TENM3: variants seen among roughly 807,000 people sequenced by gnomAD.
The protein encoded by TENM3 is teneurin-3.
TENM3 carries 63 observed loss-of-function variants against 255.1 expected under a neutral mutation model. The observed-to-expected ratio is 0.25, with a 90% CI of 0.20 to 0.30. The LOEUF is 0.30. TENM3 is among the 10% of genes least tolerant of loss of function. The pLI, the probability that TENM3 is intolerant of heterozygous loss-of-function variation, is 1.00. For synonymous variants in TENM3, 1,306 were observed against 1,322.3 expected, an observed-to-expected ratio of 0.99 and a Z score of 0.27; for missense variants, 2,929 against 3,461.1, an observed-to-expected ratio of 0.85 and a Z score of 3.86.
At chr4:181,503,874 A>G in the TENM3 span, among the ~76,000 whole-genome samples, 1 of 152,130 alleles carries the variant, frequency 6.6e-6, no homozygotes, top group Non-Finnish European at 1.5e-5. Context: ...CTCCGCTCGG[A>G]AGGAGGCTGT....
intron 6 of TENM3, among the ~76,000 whole-genome samples, chr4:182,664,119 C>T (rs1754446827): frequency 6.6e-6 from 1 of 152,164 alleles, no homozygotes; most frequent in East Asian, 1.9e-4. Context: ...TCATGCCTCC[C>T]AGATACCGTG....
At chr4:181,974,450 C>G in the TENM3 span, among the ~76,000 whole-genome samples, 2 of 152,054 alleles carry the variant, frequency 1.3e-5, no homozygotes, top group Admixed American at 1.3e-4. Flanking sequence ...TGCCTGTAAT[C>G]CCAGCTACTC....
intron 1 of TENM3, among the ~76,000 whole-genome samples, chr4:182,160,163 T>A (rs6552544): frequency 6.7e-6 from 1 of 148,956 alleles, no homozygotes; most frequent in African/African-American, 2.5e-5. Flanking sequence ...CCACCACGCC[T>A]GGCTAATTTT....
At chr4:182,316,327 C>G (rs912878297) in intron 1 of TENM3, among the ~76,000 whole-genome samples, 2 of 152,048 alleles carry the variant, frequency 1.3e-5, no homozygotes, top group Non-Finnish European at 2.9e-5. Flanking sequence ...GAAGCAAGAA[C>G]TTTCTGAGTA....
chr4:182,169,050 G>T (rs916999354), intron 1 of TENM3, among the ~76,000 whole-genome samples: 3 of 146,882 alleles, frequency 2.0e-5, no homozygotes, highest in Non-Finnish European at 4.5e-5. Flanking sequence ...TATATGGACA[G>T]ATATATGTCA....
At chr4:182,030,915 T>C in the TENM3 span, among the ~76,000 whole-genome samples, 3 of 152,218 alleles carry the variant, frequency 2.0e-5, no homozygotes, top group Non-Finnish European at 4.4e-5. Flanking sequence ...TTGGTTTTTC[T>C]TGTAAATTTG....
intron 3 of TENM3, among the ~76,000 whole-genome samples, chr4:182,459,814 G>C (rs1774195307): frequency 6.6e-6 from 1 of 152,050 alleles, no homozygotes; most frequent in South Asian, 2.1e-4. Context: ...AGTTTTTCAG[G>C]AGTTGGGCAT....
chr4:182,318,351 A>T (rs1762865249), intron 1 of TENM3, among the ~76,000 whole-genome samples: 1 of 152,190 alleles, frequency 6.6e-6, no homozygotes, highest in Non-Finnish European at 1.5e-5. Flanking sequence ...AAGATACAAA[A>T]TTTACAGTTA....
chr4:181,557,659 T>G, the TENM3 span, among the ~76,000 whole-genome samples: 1 of 151,454 alleles, frequency 6.6e-6, no homozygotes, highest in African/African-American at 2.4e-5. Flanking sequence ...CCCTAGTCAC[T>G]GGGACTACCG....
At chr4:181,930,755 C>T in the TENM3 span, among the ~76,000 whole-genome samples, 1 of 152,084 alleles carries the variant, frequency 6.6e-6, no homozygotes, top group Non-Finnish European at 1.5e-5. Flanking sequence ...AACATTGATG[C>T]AAAATCTTCA....
the TENM3 span, among the ~76,000 whole-genome samples, chr4:182,113,044 C>T: frequency 6.6e-6 from 1 of 152,152 alleles, no homozygotes. Context: ...GACATTCACA[C>T]TGAAAATCTA....
the TENM3 span, among the ~76,000 whole-genome samples, chr4:181,996,804 G>A: frequency 6.6e-6 from 1 of 152,140 alleles, no homozygotes; most frequent in Non-Finnish European, 1.5e-5. Context: ...CGGGAACAAG[G>A]GTGGCCACTA....
chr4:181,980,227 TCAGA>T, the TENM3 span: 1 of 152,318 alleles, frequency 6.6e-6, no homozygotes, highest in South Asian at 2.1e-4. Flanking sequence ...AGGTGATCTC[TCAGA>T]CAGACAGTCT....
intron 2 of TENM3, among the ~76,000 whole-genome samples, chr4:182,332,433 C>A (rs1399217047): frequency 2.6e-5 from 4 of 152,168 alleles, no homozygotes; most frequent in African/African-American, 9.7e-5. Context: ...TGGCTCACGC[C>A]TGTAATCCCA....
At chr4:182,300,240 G>A (rs1045627577) in intron 1 of TENM3, among the ~76,000 whole-genome samples, 6 of 141,582 alleles carry the variant, frequency 4.2e-5, no homozygotes, top group South Asian at 2.6e-4. Context: ...TATGAGAATC[G>A]TTTTCTTCAT....
chr4:181,852,885 C>A, the TENM3 span, among the ~76,000 whole-genome samples: 1 of 152,146 alleles, frequency 6.6e-6, no homozygotes, highest in Admixed American at 6.5e-5. Flanking sequence ...ACACTGTGAA[C>A]GTACTTAACG....
intron 3 of TENM3, among the ~76,000 whole-genome samples, chr4:182,519,001 A>C (rs1296555585): frequency 6.6e-6 from 1 of 152,188 alleles, no homozygotes; most frequent in African/African-American, 2.4e-5. Context: ...ACTAAGACTC[A>C]GTAAAATGTT....
chr4:182,013,195 A>G, the TENM3 span, among the ~76,000 whole-genome samples: 1 of 152,002 alleles, frequency 6.6e-6, no homozygotes, highest in Non-Finnish European at 1.5e-5. Flanking sequence ...GGCTTATACC[A>G]GGCTGCTGCT....
rs183264914 is a variant in TENM3 at position 182,545,908 on chromosome 4, C to T, written c.512-55016C>T. ...TCAAAATTCCTCATGTAACATTTGA[C>T]TCCTCCAAAACTTAACCATGAATAG... On this transcript the variant is annotated intron_variant, in intron 3 of 27. Coordinates refer to ENST00000511685, the MANE Select transcript of TENM3 (RefSeq NM_001080477.4). Among the ~76,000 whole-genome samples the T allele has an allele frequency of 3.5e-4, 54 of 152,284 alleles. 1 individual carries two copies. The East Asian group carries it at 9.7e-3, about 27-fold the overall frequency.
Sources: gnomAD v4.1 joint callset for allele counts (sites outside exome capture counted in the v4.1 genomes callset) on GRCh38, gnomAD v4.1.1 for gene constraint, MANE v1.5 for transcripts, NCBI Gene and HGNC (gene_info 2026-07-23, HGNC 2026-07-21) for gene names.